The following METTL15 variants were observed in gnomAD, a reference collection of about 807,000 sequenced individuals.
METTL15 encodes 12S rRNA N(4)-cytidine methyltransferase METTL15.
METTL15 carries 34 observed loss-of-function variants against 38.3 expected under a neutral mutation model. That is an observed-to-expected ratio of 0.89 (90% CI 0.68 to 1.18). The LOEUF is 1.18. Among genes scored for constraint, METTL15 ranks in the 50% most tolerant of loss-of-function variants. METTL15 has a pLI of 0.00. For synonymous variants in METTL15, 162 were observed against 170.9 expected (o/e 0.95, Z 0.41); for missense variants, 438 against 498.4 (o/e 0.88, Z 1.15).
chr11:28,172,601 A>G lies in METTL15; in HGVS notation c.271-38461A>G, dbSNP rs559306124. Among the ~76,000 whole-genome samples the G allele has an allele frequency of 3.5e-4, 53 of 152,234 alleles. 1 individual carries two copies. The South Asian group carries it at 0.01, about 29-fold the overall frequency. On this transcript the variant is annotated intron_variant, in intron 3 of 6. Coordinates refer to ENST00000407364, the MANE Select transcript of METTL15 (RefSeq NM_001113528.2). Reference sequence around the variant, plus strand: ...CTAACTGCCTTACATTCTGTTTTACATTGTGTCCTCACAGTCACCCAATAC... The same window carrying G: ...CTAACTGCCTTACATTCTGTTTTACGTTGTGTCCTCACAGTCACCCAATAC...
At chr11:28,401,513 T>C (rs1484929687) in intron 5 of METTL15, among the ~76,000 whole-genome samples, 2 of 152,010 alleles carry the variant, frequency 1.3e-5, no homozygotes, top group Non-Finnish European at 2.9e-5. Context: ...GTAATTGTTT[T>C]AATAATTTCT....
chr11:28,388,795 A>G (rs1462865481), intron 5 of METTL15, among the ~76,000 whole-genome samples: 1 of 152,024 alleles, frequency 6.6e-6, no homozygotes, highest in Non-Finnish European at 1.5e-5. Context: ...CTCGTCGTTT[A>G]ACATTAGGTA....
chr11:28,360,348 G>A (rs997722860), intron 4 of METTL15, among the ~76,000 whole-genome samples: 1 of 152,182 alleles, frequency 6.6e-6, no homozygotes, highest in African/African-American at 2.4e-5. Context: ...TTTAAAAACA[G>A]GGCCCAAGAT....
At chr11:28,302,105 G>T (rs1366612304) in intron 6 of METTL15, among the ~76,000 whole-genome samples, 1 of 151,856 alleles carries the variant, frequency 6.6e-6, no homozygotes, top group Non-Finnish European at 1.5e-5. Context: ...TAGAAATAAG[G>T]TCTCACTATA....
At chr11:28,343,540 G>C (rs765376624) in intron 3 of METTL15, among the ~76,000 whole-genome samples, 1 of 152,152 alleles carries the variant, frequency 6.6e-6, no homozygotes, top group Non-Finnish European at 1.5e-5. Flanking sequence ...AAAGTGTATC[G>C]CAGCTGCAGT....
intron 6 of METTL15, among the ~76,000 whole-genome samples, chr11:28,510,791 C>T (rs1039442959): frequency 6.6e-6 from 1 of 152,174 alleles, no homozygotes; most frequent in Non-Finnish European, 1.5e-5. Context: ...TACCATACTA[C>T]TGCCCAAATC....
chr11:28,182,918 C>T (rs1851347605), intron 3 of METTL15, among the ~76,000 whole-genome samples: 1 of 151,972 alleles, frequency 6.6e-6, no homozygotes, highest in South Asian at 2.1e-4. Context: ...TGTTTGTGTC[C>T]TCTCTTGTTT....
intron 5 of METTL15, among the ~76,000 whole-genome samples, chr11:28,375,277 C>T (rs1417776471): frequency 7.0e-6 from 1 of 143,864 alleles, no homozygotes; most frequent in Non-Finnish European, 1.5e-5. Flanking sequence ...TAGAATTCAG[C>T]TGTGAATCCA....
At chr11:28,375,922 G>A (rs1376895158) in intron 5 of METTL15, among the ~76,000 whole-genome samples, 1 of 151,956 alleles carries the variant, frequency 6.6e-6, no homozygotes, top group Admixed American at 6.5e-5. Flanking sequence ...ATTTCGTTAT[G>A]TACCCAGTAG....
intron 3 of METTL15, chr11:28,163,206 G>A (rs1850533884): frequency 2.5e-6 from 1 of 393,876 alleles, no homozygotes; most frequent in African/African-American, 2.1e-5. Context: ...TCATTCTTGG[G>A]TGTGATAATG....
At chr11:28,459,086 T>C (rs1330350058) in intron 6 of METTL15, among the ~76,000 whole-genome samples, 3 of 152,214 alleles carry the variant, frequency 2.0e-5, no homozygotes, top group South Asian at 2.1e-4. Context: ...TTTCTTCTAC[T>C]GTACCCTTAT....
At chr11:28,504,136 G>A (rs917571695) in intron 6 of METTL15, among the ~76,000 whole-genome samples, 2 of 144,986 alleles carry the variant, frequency 1.4e-5, no homozygotes, top group Non-Finnish European at 3.0e-5. Context: ...GGCAGAGGTT[G>A]CAGTGAGTCG....
At chr11:28,371,203 G>C (rs1850239839) in intron 5 of METTL15, among the ~76,000 whole-genome samples, 1 of 151,852 alleles carries the variant, frequency 6.6e-6, no homozygotes, top group Non-Finnish European at 1.5e-5. Context: ...ATTTTGATTT[G>C]ATTTTTGAGA....
At chr11:28,125,025 C>T (rs1852414405) in intron 3 of METTL15, among the ~76,000 whole-genome samples, 1 of 152,024 alleles carries the variant, frequency 6.6e-6, no homozygotes. Context: ...AGTAACTTCT[C>T]TTGCTAGGGC....
At chr11:28,419,479 C>A (rs1850801949) in intron 5 of METTL15, among the ~76,000 whole-genome samples, 2 of 152,076 alleles carry the variant, frequency 1.3e-5, no homozygotes, top group African/African-American at 4.8e-5. Context: ...GCTGCAGTGA[C>A]CAAAAACATA....
At chr11:28,152,608 A>G (rs1362519836) in intron 3 of METTL15, among the ~76,000 whole-genome samples, 1 of 151,876 alleles carries the variant, frequency 6.6e-6, no homozygotes, top group Non-Finnish European at 1.5e-5. Context: ...GCCATCTCTT[A>G]GTGTCCATGA....
intron 4 of METTL15, among the ~76,000 whole-genome samples, chr11:28,240,823 A>C (rs998674204): frequency 2.6e-5 from 4 of 152,222 alleles, no homozygotes; most frequent in African/African-American, 9.6e-5. Context: ...GGGATAGCCA[A>C]GTTTTTTTAA....
chr11:28,378,882 A>C (rs1174786595), intron 5 of METTL15, among the ~76,000 whole-genome samples: 1 of 149,196 alleles, frequency 6.7e-6, no homozygotes, highest in Non-Finnish European at 1.5e-5. Context: ...ACTTTTTATT[A>C]CAACTTTTAT....
intron 5 of METTL15, among the ~76,000 whole-genome samples, chr11:28,380,891 C>T (rs758262666): frequency 3.9e-5 from 6 of 151,946 alleles, no homozygotes; most frequent in Non-Finnish European, 5.9e-5. Context: ...TACCTTCTGA[C>T]CTGTAAGGTT....
Sources: allele counts gnomAD v4.1 joint callset (sites outside exome capture counted in the v4.1 genomes callset), GRCh38; gene constraint gnomAD v4.1.1; transcripts MANE v1.5; gene names NCBI Gene and HGNC (gene_info 2026-07-23, HGNC 2026-07-21).